The following PBX1 variants were observed in gnomAD, a reference collection of about 807,000 sequenced individuals.
PBX1 encodes the protein pre-B-cell leukemia transcription factor 1.
Under a neutral mutation model 53.4 loss-of-function variants are expected in PBX1, and 6 were observed. The ratio of observed to expected loss-of-function variants is 0.11; its 90% CI spans 0.06 to 0.22. PBX1 has a LOEUF of 0.22. PBX1 is among the 10% of genes least tolerant of loss of function. The pLI is 1.00. For missense variants in PBX1, 251 were observed against 551.4 expected, an observed-to-expected ratio of 0.46 and a Z score of 5.46; for synonymous variants, 204 against 212.3, an observed-to-expected ratio of 0.96 and a Z score of 0.34.
At chr1:164,675,912 A>G (rs1460810608) in intron 2 of PBX1, among the ~76,000 whole-genome samples, 1 of 151,684 alleles carries the variant, frequency 6.6e-6, no homozygotes, top group African/African-American at 2.4e-5. Flanking sequence ...GTCTCTCTCT[A>G]CTCTTGCAGT....
At chr1:164,819,923 C>T in intron 6 of PBX1, 149 bp from the exon 7 acceptor site, 5 of 607,378 alleles carry the variant, frequency 8.2e-6, no homozygotes. Flanking sequence ...GTTCTTCATG[C>T]TACTAACCAG....
chr1:164,591,812 T>C (rs1462774819), intron 2 of PBX1, among the ~76,000 whole-genome samples: 1 of 152,122 alleles, frequency 6.6e-6, no homozygotes, highest in Non-Finnish European at 1.5e-5. Context: ...AGCCTGAGAG[T>C]AACTTGGTGA....
chr1:164,853,820 T>TA (rs1671915994), downstream of PBX1, among the ~76,000 whole-genome samples: 1 of 152,032 alleles, frequency 6.6e-6, no homozygotes, highest in African/African-American at 2.4e-5. Context: ...TCTAACCCCT[T>TA]AAAATCACAA....
At chr1:164,844,394 C>G (rs1040072173) in intron 8 of PBX1, among the ~76,000 whole-genome samples, 1 of 151,982 alleles carries the variant, frequency 6.6e-6, no homozygotes, top group Non-Finnish European at 1.5e-5. Flanking sequence ...ACCTACCTAT[C>G]TATCTACCTG....
chr1:164,816,686 C>A (rs959900656), intron 6 of PBX1: 2 of 151,948 alleles, frequency 1.3e-5, no homozygotes, highest in Admixed American at 1.3e-4. Flanking sequence ...GCTAACCAGC[C>A]TACAATGCAT....
intron 2 of PBX1, among the ~76,000 whole-genome samples, chr1:164,867,687 A>C (rs184163929): frequency 1.3e-5 from 2 of 152,240 alleles, no homozygotes; most frequent in Non-Finnish European, 2.9e-5. Flanking sequence ...ATACCCAGGA[A>C]GAAAGGGAAG....
intron 2 of PBX1, among the ~76,000 whole-genome samples, chr1:164,573,245 A>G (rs1464498117): frequency 1.3e-5 from 2 of 152,050 alleles, no homozygotes; most frequent in Non-Finnish European, 2.9e-5. Flanking sequence ...TTTTTGTGCT[A>G]AGGCCTTGAA....
intron 2 of PBX1, among the ~76,000 whole-genome samples, chr1:164,602,602 T>A (rs946331413): frequency 5.3e-5 from 8 of 151,882 alleles, no homozygotes; most frequent in Admixed American, 2.0e-4. Context: ...GTATCCTACA[T>A]GTACCTGCAC....
intron 2 of PBX1, among the ~76,000 whole-genome samples, chr1:164,776,098 A>G (rs1016027128): frequency 6.6e-6 from 1 of 152,184 alleles, no homozygotes; most frequent in African/African-American, 2.4e-5. Flanking sequence ...TGTCTGGCCC[A>G]TAGTAACCAA....
chr1:164,827,990 A>G (rs1376434216), intron 8 of PBX1, among the ~76,000 whole-genome samples: 1 of 152,162 alleles, frequency 6.6e-6, no homozygotes. Flanking sequence ...TTCCTAGAAG[A>G]CTAGACCAAG....
At chr1:164,853,356 T>C (rs1356234469), downstream of PBX1, among the ~76,000 whole-genome samples, 1 of 152,218 alleles carries the variant, frequency 6.6e-6, no homozygotes, top group Non-Finnish European at 1.5e-5. Context: ...CAGCTGACTC[T>C]GTCCATCACA....
intron 2 of PBX1, among the ~76,000 whole-genome samples, 200 bp downstream of exon 2, chr1:164,563,511 C>G (rs937566898): frequency 1.3e-5 from 2 of 152,086 alleles, no homozygotes; most frequent in Non-Finnish European, 2.9e-5. Context: ...TTATCAAGCA[C>G]TACTGGTTAA....
Position 164,849,839 on chromosome 1 carries a change from C to T in PBX1, c.*3163C>T, listed in dbSNP as rs1175377847. On this transcript the variant is annotated 3_prime_UTR_variant, in exon 9 of 9. Transcript: ENST00000420696. ...TCTTTCCTGCTCTTTGTTTTTCTGC[C>T]CAGAAAAACCTGACTTCGATACCAA... 3 of 231,792 alleles carry T rather than the reference C, an allele frequency of 1.3e-5. No homozygotes were observed. The highest frequency in any genetic ancestry group is 2.6e-5 in the Non-Finnish European group (3 of 117,508). 14.4% of individuals were successfully genotyped at this position (231,792 alleles called of 1,614,324 possible).
intron 2 of PBX1, among the ~76,000 whole-genome samples, chr1:164,765,532 A>G (rs1667018682): frequency 6.6e-6 from 1 of 152,228 alleles, no homozygotes; most frequent in Non-Finnish European, 1.5e-5. Flanking sequence ...TAGTAAACAC[A>G]GGAGAGAAGG....
intron 2 of PBX1, among the ~76,000 whole-genome samples, chr1:164,873,421 C>A (rs1391444774): frequency 6.6e-6 from 1 of 152,216 alleles, no homozygotes; most frequent in Non-Finnish European, 1.5e-5. Context: ...AGCCCCCTTA[C>A]CAAGTAGTAA....
intron 2 of PBX1, among the ~76,000 whole-genome samples, chr1:164,678,124 T>C (rs1172883501): frequency 2.0e-5 from 3 of 152,072 alleles, no homozygotes; most frequent in Non-Finnish European, 4.4e-5. Context: ...ACAGAGGAGA[T>C]ATAGTGAAAG....
At chr1:164,633,357 C>T (rs936361792) in intron 2 of PBX1, among the ~76,000 whole-genome samples, 1 of 152,110 alleles carries the variant, frequency 6.6e-6, no homozygotes, top group African/African-American at 2.4e-5. Flanking sequence ...ACCATGTTGG[C>T]CAGGCTGGTC....
chr1:164,623,038 C>G (rs989840612), intron 2 of PBX1, among the ~76,000 whole-genome samples: 1 of 152,142 alleles, frequency 6.6e-6, no homozygotes, highest in Non-Finnish European at 1.5e-5. Context: ...TGATCTTGAA[C>G]TCCTGACCTC....
At chr1:164,675,235 A>G (rs1438936587) in intron 2 of PBX1, among the ~76,000 whole-genome samples, 1 of 152,206 alleles carries the variant, frequency 6.6e-6, no homozygotes. Context: ...GAAATGGAAT[A>G]GAAATATAAA....
Sources: allele counts gnomAD v4.1 joint callset (sites outside exome capture counted in the v4.1 genomes callset), GRCh38; gene constraint gnomAD v4.1.1; transcripts MANE v1.5; gene names NCBI Gene and HGNC (gene_info 2026-07-23, HGNC 2026-07-21).